The following COL21A1 variants were observed in gnomAD, a reference collection of about 807,000 sequenced individuals.
The protein encoded by COL21A1 is collagen type XXI alpha 1 chain.
In COL21A1, 149 loss-of-function variants were observed where a neutral mutation model predicts 137.9. That is an observed-to-expected ratio of 1.08 (90% CI 0.95 to 1.24). The LOEUF (loss-of-function observed/expected upper bound fraction) is 1.24, where lower values mean the gene tolerates loss of function less well. Ranked by LOEUF, COL21A1 falls within the 50% of genes most tolerant of loss-of-function variation. COL21A1 has a pLI of 0.00. For missense variants in COL21A1, 1,167 were observed against 1,158.4 expected (o/e 1.01, Z -0.11); for synonymous variants, 456 against 391.5 (o/e 1.16, Z -1.95).
At chr6:56,233,252 G>C (rs1170566485) in intron 1 of COL21A1, among the ~76,000 whole-genome samples, 1 of 151,758 alleles carries the variant, frequency 6.6e-6, no homozygotes, top group Non-Finnish European at 1.5e-5. Context: ...GCAAGCTCCA[G>C]ATAGTCTTAA....
At chr6:56,189,332 C>G (rs999708714) in intron 1 of COL21A1, among the ~76,000 whole-genome samples, 2 of 151,352 alleles carry the variant, frequency 1.3e-5, no homozygotes, top group Admixed American at 1.3e-4. Flanking sequence ...AAACAAGTAT[C>G]AATAGCTGAA....
chr6:56,247,317 G>A (rs1782710691), intron 1 of COL21A1, 70 bp downstream of exon 1: 1 of 152,446 alleles, frequency 6.6e-6, no homozygotes, highest in African/African-American at 2.4e-5. Flanking sequence ...GCAGCCCCTG[G>A]AGAGCCAGCC....
chr6:56,335,980 T>C (rs1765323147), intron 1 of COL21A1, among the ~76,000 whole-genome samples: 1 of 152,222 alleles, frequency 6.6e-6, no homozygotes, highest in South Asian at 2.1e-4. Context: ...ACGTTGATGA[T>C]GATGACTAAG....
chr6:56,309,482 A>G (rs1186977310), intron 1 of COL21A1, among the ~76,000 whole-genome samples: 2 of 152,174 alleles, frequency 1.3e-5, no homozygotes, highest in Admixed American at 6.5e-5. Context: ...CATTTTTCAG[A>G]CAACCCCAGA....
At chr6:56,209,202 T>TC (rs1449852518) in intron 1 of COL21A1, among the ~76,000 whole-genome samples, 1 of 152,140 alleles carries the variant, frequency 6.6e-6, no homozygotes, top group Non-Finnish European at 1.5e-5. Context: ...GCAATACCAT[T>TC]CAGGACTTAG....
intron 1 of COL21A1, among the ~76,000 whole-genome samples, chr6:56,306,242 G>A (rs1764448122): frequency 7.1e-6 from 1 of 140,858 alleles, no homozygotes; most frequent in Non-Finnish European, 1.6e-5. Flanking sequence ...TATCTTTGTG[G>A]AGTTCTCTGT....
chr6:56,183,213 T>C (rs1279296323), intron 1 of COL21A1, among the ~76,000 whole-genome samples: 1 of 152,178 alleles, frequency 6.6e-6, no homozygotes, highest in Non-Finnish European at 1.5e-5. Context: ...GGTTAGAATG[T>C]AGAAAGTTGC....
At chr6:56,293,482 G>A (rs557687822) in intron 1 of COL21A1, among the ~76,000 whole-genome samples, 8 of 152,066 alleles carry the variant, frequency 5.3e-5, no homozygotes, top group Non-Finnish European at 7.4e-5. Flanking sequence ...CAAAAAAGGT[G>A]TAACTCACTA....
chr6:56,253,740 T>C (rs762572330), intron 1 of COL21A1, among the ~76,000 whole-genome samples: 6 of 152,226 alleles, frequency 3.9e-5, no homozygotes, highest in South Asian at 2.1e-4. Flanking sequence ...AATGTCCATA[T>C]AAAATCCTTT....
chr6:56,207,830 T>C (rs1295657299), intron 1 of COL21A1, among the ~76,000 whole-genome samples: 2 of 152,128 alleles, frequency 1.3e-5, no homozygotes, highest in African/African-American at 4.8e-5. Context: ...AAAAACCTTA[T>C]CCACCACAAT....
intron 1 of COL21A1, among the ~76,000 whole-genome samples, chr6:56,210,823 A>G (rs1246516713): frequency 6.6e-6 from 1 of 152,156 alleles, no homozygotes; most frequent in East Asian, 1.9e-4. Flanking sequence ...AAAATTATTC[A>G]ATAAATAAAT....
At chr6:56,283,200 A>G (rs1464782332) in intron 1 of COL21A1, among the ~76,000 whole-genome samples, 1 of 152,072 alleles carries the variant, frequency 6.6e-6, no homozygotes, top group Non-Finnish European at 1.5e-5. Flanking sequence ...ATAAAGATTT[A>G]TGTGCAAGGT....
chr6:56,305,477 C>T (rs1764421793), intron 1 of COL21A1, among the ~76,000 whole-genome samples: 2 of 152,278 alleles, frequency 1.3e-5, no homozygotes, highest in South Asian at 4.2e-4. Context: ...GATCCCTTTA[C>T]CATTATGTAA....
intron 9 of COL21A1, 44 bp from the exon 10 acceptor site, chr6:56,156,993 C>T: frequency 1.5e-6 from 2 of 1,348,530 alleles, no homozygotes; most frequent in Middle Eastern, 1.8e-4. Flanking sequence ...AACAACCAGC[C>T]ACATTGGTGC....
intron 1 of COL21A1, among the ~76,000 whole-genome samples, chr6:56,308,752 G>C (rs1031538423): frequency 6.6e-6 from 1 of 151,892 alleles, no homozygotes; most frequent in Non-Finnish European, 1.5e-5. Context: ...AAACAAATAA[G>C]ATTTAAAGCT....
rs150608032 is a variant in COL21A1 at position 56,256,461 on chromosome 6, C to A, written c.-38-73805G>T. ...CAGTTTCTTAATTTTTAAAAAAGTTCCCCATGGACAGAAAAAAAAATTAAT... is the reference window on the plus strand; with the variant it reads ...CAGTTTCTTAATTTTTAAAAAAGTTACCCATGGACAGAAAAAAAAATTAAT... On this transcript the variant is annotated intron_variant, in intron 1 of 28. Transcript: ENST00000370819. 4.4e-3 allele frequency among the ~76,000 whole-genome samples: 667 copies of A among 152,120 alleles called. 3 individuals carry two copies. The highest frequency in any genetic ancestry group is 0.032 in the South Asian group (155 of 4,830).
intron 1 of COL21A1, among the ~76,000 whole-genome samples, chr6:56,214,699 T>C (rs963520467): frequency 1.3e-5 from 2 of 152,126 alleles, no homozygotes; most frequent in African/African-American, 4.8e-5. Context: ...CATTTGATCA[T>C]GGCATATGGT....
rs984097188 is a variant in COL21A1 at position 56,082,569 on chromosome 6, C to G, written c.1813-4996G>C. 4.8e-4 allele frequency among the ~76,000 whole-genome samples: 73 copies of G among 151,706 alleles called. 1 individual carries two copies. The highest frequency in any genetic ancestry group is 3.4e-3 in the Middle Eastern group (1 of 292). Reference sequence around the variant, plus strand: ...AACTAAAAGTGAATTTTTCAAAGACCCTTTTTAACTTTAGAAACTTTAACT... The same window carrying G: ...AACTAAAAGTGAATTTTTCAAAGACGCTTTTTAACTTTAGAAACTTTAACT... On this transcript the variant is annotated intron_variant, in intron 17 of 29. Transcript: ENST00000244728.
At chr6:56,219,422 C>T (rs994460696) in intron 1 of COL21A1, among the ~76,000 whole-genome samples, 3 of 152,040 alleles carry the variant, frequency 2.0e-5, no homozygotes, top group African/African-American at 7.2e-5. Flanking sequence ...TTCTCCACAA[C>T]AATGCCCAAC....
Sources: allele counts gnomAD v4.1 joint callset (sites outside exome capture counted in the v4.1 genomes callset), GRCh38; gene constraint gnomAD v4.1.1; transcripts MANE v1.5; gene names NCBI Gene and HGNC (gene_info 2026-07-23, HGNC 2026-07-21).